SNX4: variants seen among roughly 807,000 people sequenced by gnomAD.
SNX4 encodes sorting nexin-4.
A neutral mutation model predicts 70.8 loss-of-function variants in SNX4; 49 were observed. The ratio of observed to expected loss-of-function variants is 0.69; its 90% CI spans 0.55 to 0.88. SNX4 has a LOEUF of 0.88. Ranked by LOEUF, SNX4 falls within the 40% of genes least tolerant of loss-of-function variation. The pLI is 0.00. For synonymous variants in SNX4, 206 were observed against 183.8 expected, an observed-to-expected ratio of 1.12 and a Z score of -0.98; for missense variants, 528 against 544.8, an observed-to-expected ratio of 0.97 and a Z score of 0.31.
At chr3:125,489,682 G>C (rs1390029254) in intron 5 of SNX4, among the ~76,000 whole-genome samples, 1 of 152,116 alleles carries the variant, frequency 6.6e-6, no homozygotes, top group Non-Finnish European at 1.5e-5. Flanking sequence ...GCATTCAATG[G>C]TACCAAAGTA....
intron 1 of SNX4, among the ~76,000 whole-genome samples, chr3:125,506,943 T>G (rs1488234875): frequency 6.8e-6 from 1 of 147,596 alleles, no homozygotes; most frequent in African/African-American, 2.5e-5. Flanking sequence ...GGTTCATGCC[T>G]GTAATCCCAG....
intron 1 of SNX4, among the ~76,000 whole-genome samples, chr3:125,511,415 T>G (rs187680886): frequency 5.3e-5 from 8 of 152,220 alleles, no homozygotes; most frequent in Non-Finnish European, 1.2e-4. Context: ...TATTAAACTT[T>G]AAATTCATCT....
chr3:125,498,613 G>A lies in SNX4; in HGVS notation c.264-419C>T, dbSNP rs13059821. ...TATTTAATCCTTATGACAACCCTGT[G>A]AGGCAGAGATTTATTATCCTCATTT... On this transcript the variant is annotated intron_variant, in intron 2 of 13. Coordinates refer to ENST00000251775, the MANE Select transcript of SNX4 (RefSeq NM_003794.4). Among the ~76,000 whole-genome samples, 151 of 152,266 alleles carry A rather than the reference G, an allele frequency of 9.9e-4. 1 individual carries two copies. The highest frequency in any genetic ancestry group is 1.4e-3 in the Non-Finnish European group (92 of 68,024).
intron 1 of SNX4, among the ~76,000 whole-genome samples, chr3:125,518,549 G>A (rs1935327009): frequency 6.6e-6 from 1 of 152,254 alleles, no homozygotes. Flanking sequence ...TTCAAATCCT[G>A]AAGTCCCTGC....
intron 6 of SNX4, among the ~76,000 whole-genome samples, chr3:125,481,706 T>C (rs1157932093): frequency 6.6e-6 from 1 of 152,170 alleles, no homozygotes; most frequent in South Asian, 2.1e-4. Flanking sequence ...CCCAAAGTGC[T>C]GGGATTACAA....
intron 5 of SNX4, among the ~76,000 whole-genome samples, chr3:125,492,378 G>C (rs1439722091): frequency 6.6e-6 from 1 of 151,804 alleles, no homozygotes; most frequent in African/African-American, 2.4e-5. Flanking sequence ...TGACCATGTG[G>C]CCTGGTTTGC....
At chr3:125,519,628 C>G (rs1040258434) in intron 1 of SNX4, among the ~76,000 whole-genome samples, 3 of 152,124 alleles carry the variant, frequency 2.0e-5, no homozygotes, top group Non-Finnish European at 4.4e-5. Flanking sequence ...CAGCAAAACC[C>G]CTTAGCAACT....
chr3:125,492,240 A>G (rs13327187), intron 5 of SNX4, among the ~76,000 whole-genome samples: 69,580 of 151,740 alleles, frequency 0.46, 16,064 homozygotes, highest in Admixed American at 0.52. Flanking sequence ...CACATTACCT[A>G]GTAAAGCACA....
chr3:125,471,521 T>C (rs146308958), intron 8 of SNX4, among the ~76,000 whole-genome samples: 40 of 152,318 alleles, frequency 2.6e-4, no homozygotes, highest in Non-Finnish European at 3.4e-4. Context: ...GTGTCTATTT[T>C]CCTGGAATCT....
chr3:125,458,138 T>A (rs1206255104), intron 10 of SNX4, among the ~76,000 whole-genome samples: 19 of 151,944 alleles, frequency 1.3e-4, no homozygotes, highest in Admixed American at 1.2e-3. Context: ...CTCAAAGTTT[T>A]CTTCTTTGTG....
At chr3:125,517,624 A>T (rs754563658) in intron 1 of SNX4, among the ~76,000 whole-genome samples, 3 of 152,226 alleles carry the variant, frequency 2.0e-5, no homozygotes, top group Non-Finnish European at 4.4e-5. Context: ...TAATTCTGAA[A>T]TATTTGCCCA....
At position 125,453,794 on chromosome 3, in the gene SNX4, A is replaced by T. The variant is rs763625008; in HGVS notation, c.1190+16T>A. 6.2e-7 allele frequency: 1 copy of T among 1,612,414 alleles called. No individual in the cohort carries two copies. Among genetic ancestry groups the T allele is most frequent in the South Asian group, 1.1e-5 (1 of 90,814 alleles). On this transcript the variant is annotated intron_variant, in intron 12 of 13. Coordinates refer to ENST00000251775, the MANE Select transcript of SNX4 (RefSeq NM_003794.4). Reference sequence around the variant, plus strand: ...GTCTACAAGCCTAGCTTACTTAAACATCGCAGCATCTTTACCTGCCTTCCA... The same window carrying T: ...GTCTACAAGCCTAGCTTACTTAAACTTCGCAGCATCTTTACCTGCCTTCCA...
chr3:125,508,487 A>G (rs1421663786), intron 1 of SNX4, among the ~76,000 whole-genome samples: 2 of 152,016 alleles, frequency 1.3e-5, no homozygotes, highest in African/African-American at 4.8e-5. Flanking sequence ...GAATGGCGTG[A>G]ACCCGGGAGG....
In SNX4 at chr3:125,489,461, T is replaced by G. The variant is rs759417139; in HGVS notation, c.600A>C (p.Ala200=). The stretch of plus-strand genomic sequence containing the variant: ...CATTAAGCGCTTTTAACCTGGAGTC[T>G]GCCTGGAAAAAATAATTTGTTCACT... ...TVNETGFQLK[A]DSRLKALNAT... Residue 200 remains alanine (A), a splice_region_variant and synonymous_variant, in exon 6 of 14, where the codon GCA becomes GCC. Coordinates refer to ENST00000251775, the MANE Select transcript of SNX4 (RefSeq NM_003794.4). 3 of 1,612,122 alleles carry G rather than the reference T, an allele frequency of 1.9e-6. No homozygotes were observed. Among genetic ancestry groups the G allele is most frequent in the African/African-American group, 1.3e-5 (1 of 74,878 alleles).
intron 1 of SNX4, among the ~76,000 whole-genome samples, chr3:125,506,817 T>TAAAAAAAAAAAAAAA (rs71148182): frequency 3.7e-5 from 1 of 26,820 alleles, no homozygotes; most frequent in Admixed American, 7.5e-4. Flanking sequence ...GTGGAGAAAG[T>TAAAAAAAAAAAAAAA]AAAAAAAAAA....
intron 9 of SNX4, among the ~76,000 whole-genome samples, chr3:125,466,916 C>T (rs1202403590): frequency 6.6e-6 from 1 of 151,960 alleles, no homozygotes; most frequent in Non-Finnish European, 1.5e-5. Flanking sequence ...ATCCCCGTCT[C>T]TACTAAAAAT....
intron 9 of SNX4, among the ~76,000 whole-genome samples, chr3:125,465,092 G>C (rs542900518): frequency 6.6e-6 from 1 of 152,100 alleles, no homozygotes; most frequent in South Asian, 2.1e-4. Context: ...ATGTTGCCCA[G>C]GCTGATCTCA....
chr3:125,480,303 T>C lies in SNX4; in HGVS notation c.670A>G (p.Lys224Glu). The C allele has an allele frequency of 6.5e-7, 1 of 1,537,712 alleles. No individual in the cohort carries two copies. The highest frequency in any genetic ancestry group is 8.8e-7 in the Non-Finnish European group (1 of 1,135,954). Residue 224 changes from lysine (K) to glutamate (E), a missense_variant, in exon 7 of 14, where the codon AAG becomes GAG. This residue lies in a region of SNX4 where 341 missense variants were observed against 312.2 expected (regional missense o/e 1.09). Coordinates refer to ENST00000251775, the MANE Select transcript of SNX4 (RefSeq NM_003794.4). ...KNPDKRFTDLKHYSDELQSVI... is the reference protein window; with the variant it reads ...KNPDKRFTDLEHYSDELQSVI... ...GACTGCAGTTCATCACTATAGTGCT[T>C]AAGGTCAGTAAATCTCCTGAAACAG...
intron 9 of SNX4, among the ~76,000 whole-genome samples, chr3:125,467,809 C>G (rs988964429): frequency 2.0e-5 from 3 of 152,146 alleles, no homozygotes; most frequent in Non-Finnish European, 2.9e-5. Flanking sequence ...ATTAGTTCAG[C>G]CACTGTGAAA....
Sources: gnomAD v4.1 joint callset for allele counts (sites outside exome capture counted in the v4.1 genomes callset) on GRCh38, gnomAD v4.1.1 for gene constraint, gnomAD v4.1.1 regional missense constraint, MANE v1.5 for transcripts, NCBI Gene and HGNC (gene_info 2026-07-23, HGNC 2026-07-21) for gene names.